The following OR56A3 variants were observed in gnomAD, a reference collection of about 807,000 sequenced individuals.
OR56A3 encodes the protein olfactory receptor 56A3.
In OR56A3, 23 loss-of-function variants were observed where a neutral mutation model predicts 17.5. The ratio of observed to expected loss-of-function variants is 1.32; its 90% CI spans 0.95 to 1.87. The LOEUF (loss-of-function observed/expected upper bound fraction) is 1.87. Ranked by LOEUF, OR56A3 falls within the 40% of genes most tolerant of loss-of-function variation. The pLI is 0.00. For synonymous variants in OR56A3, 175 were observed against 150.6 expected, an observed-to-expected ratio of 1.16 and a Z score of -1.19; for missense variants, 366 against 380.1, an observed-to-expected ratio of 0.96 and a Z score of 0.31.
At chr11:5,988,313 G>T in the OR56A3 span, among the ~76,000 whole-genome samples, 2 of 151,884 alleles carry the variant, frequency 1.3e-5, no homozygotes, top group Non-Finnish European at 2.9e-5. Flanking sequence ...TTAATGGTTT[G>T]TTTTTTTAAA....
chr11:6,003,524 C>T, the OR56A3 span, among the ~76,000 whole-genome samples: 2 of 152,118 alleles, frequency 1.3e-5, no homozygotes, highest in African/African-American at 4.8e-5. Context: ...GGAACCAGGA[C>T]GCCATTGCAT....
At chr11:5,999,595 G>A in the OR56A3 span, 5 of 152,128 alleles carry the variant, frequency 3.3e-5, no homozygotes, top group East Asian at 9.6e-4. Flanking sequence ...TTCATTTTGT[G>A]CTGGCTAAAA....
the OR56A3 span, among the ~76,000 whole-genome samples, chr11:6,014,113 C>T: frequency 3.9e-5 from 6 of 152,320 alleles, no homozygotes; most frequent in Admixed American, 2.6e-4. Context: ...ACACAGCCCA[C>T]TACTGCCACC....
At chr11:6,016,528 ATC>A in the OR56A3 span, among the ~76,000 whole-genome samples, 1 of 152,120 alleles carries the variant, frequency 6.6e-6, no homozygotes, top group Non-Finnish European at 1.5e-5. Flanking sequence ...ACAAAAGTGA[ATC>A]TTAAAAAAAA....
chr11:6,003,439 C>A, the OR56A3 span, among the ~76,000 whole-genome samples: 1 of 152,036 alleles, frequency 6.6e-6, no homozygotes, highest in Non-Finnish European at 1.5e-5. Context: ...ATTTCTCAAC[C>A]CACTTATTCC....
At chr11:5,992,671 C>G in the OR56A3 span, among the ~76,000 whole-genome samples, 1 of 152,168 alleles carries the variant, frequency 6.6e-6, no homozygotes, top group South Asian at 2.1e-4. Flanking sequence ...ACAAATAGGG[C>G]TTCTCCAACA....
Position 5,947,455 on chromosome 11 carries a change from C to T in OR56A3, c.109C>T (p.Leu37Phe). The T allele has an allele frequency of 1.2e-6, 2 of 1,614,222 alleles. No homozygotes were observed. Among genetic ancestry groups the T allele is most frequent in the Non-Finnish European group, 1.7e-6 (2 of 1,180,030 alleles). The change falls in exon 3 of 3, where the codon CTC becomes TTC. Residue 37 changes from leucine to phenylalanine, a missense_variant. Physicochemically the swap from Leu to Phe is conservative, Grantham distance 22. Coordinates refer to ENST00000641160, the MANE Select transcript of OR56A3 (RefSeq NM_001003443.3). ...WQHWLSLPLS[L>F]LFLLAVGANT... ...GCACTGGCTGTCCCTGCCCCTCAGC[C>T]TCCTTTTCCTCTTGGCCGTAGGGGC...
the OR56A3 span, among the ~76,000 whole-genome samples, chr11:5,975,364 C>A: frequency 1.1e-4 from 14 of 126,638 alleles, no homozygotes; most frequent in Non-Finnish European, 2.0e-4. Context: ...CCCCTCCCCC[C>A]ACCCCACAAC....
chr11:6,015,720 AGACTTCCATG>A, the OR56A3 span, among the ~76,000 whole-genome samples: 1 of 152,208 alleles, frequency 6.6e-6, no homozygotes, highest in African/African-American at 2.4e-5. Context: ...GCTGGGTTTC[AGACTTCCATG>A]GGGCCTGTAG....
At chr11:5,955,738 T>G (rs1309069975), downstream of OR56A3, among the ~76,000 whole-genome samples, 1 of 152,182 alleles carries the variant, frequency 6.6e-6, no homozygotes, top group East Asian at 1.9e-4. Context: ...TGAAACATAA[T>G]TTTTCTCTTT....
chr11:5,972,754 G>A, the OR56A3 span, among the ~76,000 whole-genome samples: 2 of 152,080 alleles, frequency 1.3e-5, no homozygotes, highest in Admixed American at 6.5e-5. Flanking sequence ...TCAGCCTCCC[G>A]AGTAGGTGGG....
At position 5,950,182 on chromosome 11, in the gene OR56A3, C is replaced by T. The variant is rs556835452; in HGVS notation, c.*1888C>T. ...TATTAACATATACTTATCAAAACAC[C>T]AAAACTTTGAGGACTAGTTATTTTC... On this transcript the variant is annotated 3_prime_UTR_variant, in exon 3 of 3. Transcript: ENST00000641160. 16 of 152,094 alleles carry T rather than the reference C, an allele frequency of 1.1e-4. No individual in the cohort carries two copies. In the East Asian group the frequency reaches 1.4e-3, roughly 13 times the overall value. The allele number at this position is 152,094 out of a possible 1,614,324, so 9.4% of individuals were successfully genotyped here. A position where few individuals can be genotyped will look rare whatever the true frequency, so the allele number is the denominator to read the frequency against.
downstream of OR56A3, among the ~76,000 whole-genome samples, chr11:5,955,174 A>C (rs1847926193): frequency 6.6e-6 from 1 of 152,172 alleles, no homozygotes; most frequent in Non-Finnish European, 1.5e-5. Flanking sequence ...AGAATTGCTG[A>C]AGTGGCCATT....
chr11:5,994,325 C>G, the OR56A3 span: 1 of 673,210 alleles, frequency 1.5e-6, no homozygotes, highest in Non-Finnish European at 2.8e-6. Flanking sequence ...TGCATGTGAC[C>G]ACTGTGGTGC....
chr11:6,006,515 GAACT>G, the OR56A3 span: 1 of 152,214 alleles, frequency 6.6e-6, no homozygotes, highest in Non-Finnish European at 1.5e-5. Context: ...GACAGATTCT[GAACT>G]AACCAAAATG....
At chr11:6,002,276 C>T in the OR56A3 span, 1 of 1,614,206 alleles carries the variant, frequency 6.2e-7, no homozygotes, top group Admixed American at 1.7e-5. Context: ...TGCTCAAGGC[C>T]TTGGCCACAG....
the OR56A3 span, among the ~76,000 whole-genome samples, chr11:5,981,653 A>G: frequency 1.3e-5 from 2 of 152,298 alleles, no homozygotes; most frequent in South Asian, 2.1e-4. Context: ...TCTAAATTCT[A>G]TGTCTGAGAT....
At chr11:5,967,870 G>A in the OR56A3 span, 1 of 1,575,180 alleles carries the variant, frequency 6.3e-7, no homozygotes, top group Non-Finnish European at 8.6e-7. Flanking sequence ...GAGCCCAGCA[G>A]GGTCCAACCT....
Position 5,944,945 on chromosome 11 carries a change from ACAG to A in OR56A3, c.-169_-167del, listed in dbSNP as rs1847859880. ...AGGAATGCCCGTCCTCCCTCCACTG[ACAG>A]CAGCCACAGTTACTAACAGGGTCTT... On this transcript the variant is annotated 5_prime_UTR_variant, in exon 2 of 3. Coordinates refer to ENST00000641160, the MANE Select transcript of OR56A3 (RefSeq NM_001003443.3). The A allele has an allele frequency of 6.6e-6, 1 of 152,204 alleles. No individual in the cohort carries two copies. The highest frequency in any genetic ancestry group is 2.1e-4 in the South Asian group (1 of 4,834). The allele number at this position is 152,204 out of a possible 1,614,324, so 9.4% of individuals were successfully genotyped here. A position where few individuals can be genotyped will look rare whatever the true frequency, so the allele number is the denominator to read the frequency against.
Sources: gnomAD v4.1 joint callset for allele counts (sites outside exome capture counted in the v4.1 genomes callset) on GRCh38, gnomAD v4.1.1 for gene constraint, MANE v1.5 for transcripts, NCBI Gene and HGNC (gene_info 2026-07-23, HGNC 2026-07-21) for gene names.